The following TENM1 variants were observed in gnomAD, a reference collection of about 807,000 sequenced individuals.
TENM1 encodes the protein teneurin-1.
Under a neutral mutation model 174.8 loss-of-function variants are expected in TENM1, and 35 were observed. That is an observed-to-expected ratio of 0.20 (90% confidence interval 0.15 to 0.27). The LOEUF is 0.27. TENM1 is among the 10% of genes least tolerant of loss of function. The probability of loss-of-function intolerance (pLI) is 1.00; values close to 1 mark genes in which losing one functional copy is unlikely to be tolerated. For synonymous variants in TENM1, 781 were observed against 798.7 expected (o/e 0.98, Z 0.37); for missense variants, 1,633 against 2,130.1 (o/e 0.77, Z 4.59).
At chrX:124,494,909 T>C (rs1388094553) in intron 20 of TENM1, among the ~76,000 whole-genome samples, 1 of 95,710 alleles carries the variant, frequency 1.0e-5, no homozygotes, top group African/African-American at 3.9e-5. Flanking sequence ...ATCCAGTCTA[T>C]CATTGTTGGA....
chrX:124,447,845 G>A (rs1392453082), intron 23 of TENM1, among the ~76,000 whole-genome samples: 2 of 110,938 alleles, frequency 1.8e-5, no homozygotes, highest in South Asian at 3.8e-4. Flanking sequence ...TGTACCCTCC[G>A]TGAGAGAGCT....
chrX:124,453,627 G>C, intron 22 of TENM1, 136 bp from the exon 26 acceptor site: 1 of 483,910 alleles, frequency 2.1e-6, no homozygotes, highest in Non-Finnish European at 3.3e-6. Context: ...GCACAGACAG[G>C]ACAGTAATGG....
chrX:124,977,925 T>C, the TENM1 span, among the ~76,000 whole-genome samples: 2 of 100,458 alleles, frequency 2.0e-5, no homozygotes, highest in South Asian at 9.7e-4. Context: ...CCACACATCT[T>C]TGAGGCTCTG....
the TENM1 span, among the ~76,000 whole-genome samples, chrX:124,988,897 A>C: frequency 3.6e-5 from 4 of 112,014 alleles, no homozygotes; most frequent in South Asian, 1.1e-3. Flanking sequence ...TACCTGGGAA[A>C]AAAAGGGAAC....
the TENM1 span, among the ~76,000 whole-genome samples, chrX:125,049,201 T>G: frequency 9.0e-6 from 1 of 111,609 alleles, no homozygotes; most frequent in Non-Finnish European, 1.9e-5. Flanking sequence ...AACATTCCCA[T>G]CACCACAAAA....
At chrX:124,475,794 G>A (rs923515356) in intron 22 of TENM1, among the ~76,000 whole-genome samples, 5 of 110,708 alleles carry the variant, frequency 4.5e-5, no homozygotes, top group Non-Finnish European at 9.5e-5. Flanking sequence ...TTGCTCCAGC[G>A]CATTTATTAC....
intron 3 of TENM1, among the ~76,000 whole-genome samples, chrX:124,751,740 T>C (rs765835630): frequency 4.1e-4 from 41 of 100,901 alleles, no homozygotes; most frequent in African/African-American, 1.5e-3. Context: ...GAACATGCGG[T>C]GTTTGGTTTT....
rs773937200 is a variant in TENM1, at chrX:124,530,927, T to G, written c.2652-944A>C. 3.6e-5 allele frequency among the ~76,000 whole-genome samples: 4 copies of G among 111,237 alleles called. No individual in the cohort carries two copies. The Admixed American group carries it at 3.8e-4, about 11-fold the overall frequency. Reference sequence around the variant, plus strand: ...TAACAAATTTCAGGAGGCTGGCAGTTAAGAAGAGTGCCCTGGGACAAATCC... The same window carrying G: ...TAACAAATTTCAGGAGGCTGGCAGTGAAGAAGAGTGCCCTGGGACAAATCC... On this transcript the variant is annotated intron_variant, in intron 15 of 31. Transcript: ENST00000422452.
intron 3 of TENM1, among the ~76,000 whole-genome samples, chrX:124,813,508 T>A (rs2147272336): frequency 8.9e-6 from 1 of 111,914 alleles, no homozygotes; most frequent in African/African-American, 3.2e-5. Flanking sequence ...TTAACTACAG[T>A]ATGTTTTTGT....
At chrX:124,775,485 T>G (rs544946779) in intron 3 of TENM1, among the ~76,000 whole-genome samples, 35 of 111,334 alleles carry the variant, frequency 3.1e-4, no homozygotes, top group Non-Finnish European at 5.1e-4. Context: ...AGTGACTATA[T>G]TAGTGGGTGA....
chrX:124,740,656 T>G (rs1360591549), intron 3 of TENM1, among the ~76,000 whole-genome samples: 1 of 112,050 alleles, frequency 8.9e-6, no homozygotes, highest in East Asian at 2.8e-4. Flanking sequence ...CATCCAGACC[T>G]TAAGCCTTTA....
At chrX:124,754,419 T>A (rs1245871973) in intron 3 of TENM1, among the ~76,000 whole-genome samples, 1 of 111,825 alleles carries the variant, frequency 8.9e-6, no homozygotes, top group Non-Finnish European at 1.9e-5. Flanking sequence ...TCAATTTTGT[T>A]GATCCTATCA....
the TENM1 span, among the ~76,000 whole-genome samples, chrX:125,113,820 T>C: frequency 9.0e-6 from 1 of 110,720 alleles, no homozygotes; most frequent in Non-Finnish European, 1.9e-5. Flanking sequence ...TGGGAGACTT[T>C]ATCACCCCAC....
chrX:125,175,757 C>A, the TENM1 span, among the ~76,000 whole-genome samples: 1 of 109,380 alleles, frequency 9.1e-6, no homozygotes, highest in African/African-American at 3.3e-5. Flanking sequence ...TAAGGGGAGG[C>A]GAAAAAGGGG....
chrX:125,200,657 G>GA, the TENM1 span, among the ~76,000 whole-genome samples: 1 of 105,492 alleles, frequency 9.5e-6, no homozygotes, highest in East Asian at 2.9e-4. Context: ...GTGTGTGTGA[G>GA]AGAGAGAGAG....
chrX:124,545,239 G>A (rs766468806), intron 15 of TENM1, among the ~76,000 whole-genome samples: 1 of 84,790 alleles, frequency 1.2e-5, no homozygotes, highest in East Asian at 4.2e-4. Flanking sequence ...AAAAGAATGA[G>A]GGAAACTCAA....
rs139993371 is a variant in TENM1, at chrX:124,429,273, T to C, written c.4105-6635A>G. On this transcript the variant is annotated intron_variant, in intron 23 of 31. Transcript: ENST00000422452. ...AGGTCAAGACTTTTTATGAGTTGAG[T>C]GATTTATCTTTTTCTTTGTCATCTA... 1.4e-4 allele frequency among the ~76,000 whole-genome samples: 16 copies of C among 112,014 alleles called. No homozygotes were observed. The Admixed American group carries it at 1.5e-3, about 11-fold the overall frequency.
intron 27 of TENM1, among the ~76,000 whole-genome samples, chrX:124,399,995 C>G (rs982244078): frequency 9.0e-6 from 1 of 110,779 alleles, no homozygotes; most frequent in African/African-American, 3.3e-5. Flanking sequence ...ATAGCAGGTT[C>G]TATGATTTGG....
At chrX:124,440,558 G>A (rs2060892417) in intron 23 of TENM1, among the ~76,000 whole-genome samples, 1 of 110,668 alleles carries the variant, frequency 9.0e-6, no homozygotes, top group African/African-American at 3.3e-5. Flanking sequence ...CCTTCATTTG[G>A]GTCAAGAAAT....
Sources: gnomAD v4.1 joint callset for allele counts (sites outside exome capture counted in the v4.1 genomes callset) on GRCh38, gnomAD v4.1.1 for gene constraint, MANE v1.5 for transcripts, NCBI Gene and HGNC (gene_info 2026-07-23, HGNC 2026-07-21) for gene names.